Variants in TANGO6 observed in about 807,000 individuals in gnomAD.
TANGO6 encodes the protein transport and golgi organization 6 homolog, also known as transport and Golgi organization protein 6 homolog.
A neutral mutation model predicts 114.2 loss-of-function variants in TANGO6; 90 were observed. The ratio of observed to expected loss-of-function variants is 0.79; its 90% CI spans 0.66 to 0.94. TANGO6 has a LOEUF of 0.94. Among genes scored for constraint, TANGO6 ranks in the 40% least tolerant of loss-of-function variants. TANGO6 has a pLI of 0.00. For missense variants in TANGO6, 1,274 were observed against 1,315.3 expected (o/e 0.97, Z 0.49); for synonymous variants, 477 against 509.8 (o/e 0.94, Z 0.87).
chr16:68,942,172 A>C (rs1158826549), intron 14 of TANGO6, among the ~76,000 whole-genome samples: 1 of 152,034 alleles, frequency 6.6e-6, no homozygotes, highest in Non-Finnish European at 1.5e-5. Flanking sequence ...TCTACTAAAA[A>C]TACAAGTTAG....
intron 17 of TANGO6, among the ~76,000 whole-genome samples, chr16:69,042,016 T>C (rs1959781292): frequency 6.6e-6 from 1 of 152,188 alleles, no homozygotes. Context: ...TTGTTTCTTA[T>C]TTTGGGGAAC....
chr16:68,944,235 A>G (rs1235074401), intron 14 of TANGO6, among the ~76,000 whole-genome samples: 2 of 152,216 alleles, frequency 1.3e-5, no homozygotes, highest in African/African-American at 4.8e-5. Context: ...ATTTGTAATT[A>G]AACTTATCTA....
chr16:69,025,363 A>G (rs1792242227), intron 16 of TANGO6, among the ~76,000 whole-genome samples: 1 of 152,182 alleles, frequency 6.6e-6, no homozygotes, highest in Non-Finnish European at 1.5e-5. Flanking sequence ...TGTCTTCCTC[A>G]AACTCAGGTT....
chr16:69,073,673 G>A (rs139347759), intron 17 of TANGO6, among the ~76,000 whole-genome samples: 2 of 152,220 alleles, frequency 1.3e-5, no homozygotes, highest in Non-Finnish European at 2.9e-5. Context: ...AAGGGCACTC[G>A]AAGCCAGGCC....
At chr16:68,986,050 C>G (rs1039976184) in intron 15 of TANGO6, among the ~76,000 whole-genome samples, 2 of 152,150 alleles carry the variant, frequency 1.3e-5, no homozygotes, top group African/African-American at 4.8e-5. Flanking sequence ...CTTTGCTTCC[C>G]TGGAAGAGCA....
At chr16:68,848,967 A>G (rs1961859393) in intron 1 of TANGO6, among the ~76,000 whole-genome samples, 2 of 152,066 alleles carry the variant, frequency 1.3e-5, no homozygotes, top group South Asian at 4.1e-4. Context: ...TTCCTGCCCC[A>G]TTTTTGAAAA....
chr16:68,917,310 G>A (rs189157010), intron 11 of TANGO6, among the ~76,000 whole-genome samples: 8 of 152,242 alleles, frequency 5.3e-5, no homozygotes, highest in Admixed American at 1.3e-4. Context: ...ACCTACTGAA[G>A]GACATCTTGG....
chr16:69,056,902 G>A (rs1235099834), intron 17 of TANGO6, among the ~76,000 whole-genome samples: 3 of 150,990 alleles, frequency 2.0e-5, no homozygotes, highest in African/African-American at 4.9e-5. Flanking sequence ...GGATGGTCTC[G>A]ATCTCCTGAC....
At chr16:68,887,629 C>T (rs1466576492) in intron 7 of TANGO6, among the ~76,000 whole-genome samples, 2 of 152,144 alleles carry the variant, frequency 1.3e-5, no homozygotes, top group East Asian at 1.9e-4. Context: ...ATAATCCCAG[C>T]GCTTTGGGAG....
chr16:69,054,962 A>C (rs1319606585), intron 17 of TANGO6, among the ~76,000 whole-genome samples: 1 of 151,464 alleles, frequency 6.6e-6, no homozygotes, highest in African/African-American at 2.4e-5. Context: ...AAAAAAAAAA[A>C]AACTTCTGTT....
intron 7 of TANGO6, among the ~76,000 whole-genome samples, chr16:68,893,652 G>A (rs1962662411): frequency 6.8e-6 from 1 of 146,448 alleles, no homozygotes; most frequent in East Asian, 2.0e-4. Context: ...ACGAGAATTG[G>A]TTGAACCCAA....
chr16:68,861,146 T>G (rs1962086324), intron 2 of TANGO6, among the ~76,000 whole-genome samples: 1 of 152,148 alleles, frequency 6.6e-6, no homozygotes, highest in Non-Finnish European at 1.5e-5. Flanking sequence ...ATAACTCACA[T>G]GCTGACTGGG....
chr16:69,068,871 G>A (rs138939330), intron 17 of TANGO6, among the ~76,000 whole-genome samples: 3,607 of 152,066 alleles, frequency 0.024, 147 homozygotes, highest in African/African-American at 0.082. Context: ...CCGCCACCAC[G>A]CCCAGGTAAT....
chr16:69,061,906 C>T (rs1253299201), intron 17 of TANGO6, among the ~76,000 whole-genome samples: 1 of 151,726 alleles, frequency 6.6e-6, no homozygotes, highest in East Asian at 2.0e-4. Flanking sequence ...ATAGTCCCAG[C>T]TAGTCAGGAG....
At chr16:68,877,669 GC>G (rs1567530074) in intron 5 of TANGO6, among the ~76,000 whole-genome samples, 1 of 151,412 alleles carries the variant, frequency 6.6e-6, no homozygotes, top group East Asian at 2.0e-4. Flanking sequence ...GTGCAGTGGC[GC>G]GATCTCCGCT....
intron 16 of TANGO6, among the ~76,000 whole-genome samples, chr16:69,033,412 T>C (rs1959631457): frequency 6.6e-6 from 1 of 152,150 alleles, no homozygotes; most frequent in African/African-American, 2.4e-5. Flanking sequence ...GGACCCAATC[T>C]CTTCCCTTAA....
chr16:69,057,917 AC>A (rs1299617579), intron 17 of TANGO6, among the ~76,000 whole-genome samples: 1 of 152,216 alleles, frequency 6.6e-6, no homozygotes, highest in Non-Finnish European at 1.5e-5. Flanking sequence ...ACCACAGACT[AC>A]GCGATTCAGC....
At chr16:68,944,752 A>G (rs1480044475) in intron 14 of TANGO6, among the ~76,000 whole-genome samples, 3 of 152,200 alleles carry the variant, frequency 2.0e-5, no homozygotes, top group East Asian at 1.9e-4. Flanking sequence ...GACACCACAT[A>G]TGTCAAAATC....
At chr16:69,029,835 T>C (rs909901375) in intron 16 of TANGO6, among the ~76,000 whole-genome samples, 23 of 152,152 alleles carry the variant, frequency 1.5e-4, no homozygotes, top group Admixed American at 1.0e-3. Context: ...AGGCCGGGTG[T>C]GGTGGCTCAC....
Sources: gnomAD v4.1 joint callset for allele counts (sites outside exome capture counted in the v4.1 genomes callset) on GRCh38, gnomAD v4.1.1 for gene constraint, MANE v1.5 for transcripts, NCBI Gene and HGNC (gene_info 2026-07-23, HGNC 2026-07-21) for gene names.